GRK1: variants seen among roughly 807,000 people sequenced by gnomAD.
GRK1 encodes the protein G protein-coupled receptor kinase 1.
GRK1 carries 28 observed loss-of-function variants against 41.7 expected under a neutral mutation model. The observed-to-expected ratio is 0.67, with a 90% confidence interval of 0.50 to 0.92. The LOEUF (loss-of-function observed/expected upper bound fraction) is 0.92, where lower values mean the gene tolerates loss of function less well. Among genes scored for constraint, GRK1 ranks in the 40% least tolerant of loss-of-function variants. The pLI, the probability that GRK1 is intolerant of heterozygous loss-of-function variation, is 0.00. For missense variants in GRK1, 703 were observed against 671.2 expected, an observed-to-expected ratio of 1.05 and a Z score of -0.52; for synonymous variants, 327 against 286.7, an observed-to-expected ratio of 1.14 and a Z score of -1.42.
the GRK1 span, chr13:113,657,969 C>A: frequency 5.1e-6 from 7 of 1,362,022 alleles, no homozygotes; most frequent in East Asian, 1.5e-4. Flanking sequence ...CTGAGCTCAC[C>A]TGGAGGCTGC....
chr13:113,658,298 G>A, the GRK1 span: 3 of 683,318 alleles, frequency 4.4e-6, no homozygotes, highest in South Asian at 6.1e-5. Flanking sequence ...CCGTTTATCA[G>A]CGCCGGCCAT....
chr13:113,654,616 G>A, the GRK1 span, among the ~76,000 whole-genome samples: 1 of 152,262 alleles, frequency 6.6e-6, no homozygotes. Flanking sequence ...CCTTGGTGCT[G>A]CTCTTAAAGC....
chr13:113,653,173 A>C, the GRK1 span: 1 of 1,456,392 alleles, frequency 6.9e-7, no homozygotes, highest in Non-Finnish European at 9.3e-7. Flanking sequence ...TTTCTCATGA[A>C]ATAGAAAAGG....
chr13:113,651,831 C>T, the GRK1 span: 1 of 1,396,666 alleles, frequency 7.2e-7, no homozygotes, highest in South Asian at 1.4e-5. Flanking sequence ...CCAGCCTGGG[C>T]TTTCTGACCA....
At position 113,671,872 on chromosome 13, in the gene GRK1, G is replaced by A. The variant is rs2049860211; in HGVS notation, c.985+216G>A. ...CTGTGGTGCAGAACCAGCTGGGAAC[G>A]GCGAGTCTGTTACGCCCAGTCCCCA... is the stretch of plus-strand genomic sequence containing the variant. On this transcript the variant is annotated intron_variant, in intron 3 of 6. Transcript: ENST00000335678. This position sits in a 1 kb window ranked among gnomAD's most constrained non-coding sequence, Gnocchi z 4.1. 6.6e-6 allele frequency among the ~76,000 whole-genome samples: 1 copy of A among 152,102 alleles called. No individual in the cohort carries two copies. The highest frequency in any genetic ancestry group is 1.5e-5 in the Non-Finnish European group (1 of 68,002).
At chr13:113,648,204 G>A in the GRK1 span, among the ~76,000 whole-genome samples, 1 of 152,234 alleles carries the variant, frequency 6.6e-6, no homozygotes. Context: ...TTTTACTGAC[G>A]GAGTAAGCAC....
At position 113,737,258 on chromosome 13, in the gene GRK1, G is replaced by C. The variant is rs1001952308; in HGVS notation, c.*1895G>C. On this transcript the variant is annotated 3_prime_UTR_variant, in exon 7 of 7. Transcript: ENST00000335678. ...ACAGATCCTAAGTCGGCCACACCCTGGGTGAGGAGCACGTCTTCCCATAGG... is the reference window on the plus strand; with the variant it reads ...ACAGATCCTAAGTCGGCCACACCCTCGGTGAGGAGCACGTCTTCCCATAGG... 11 of 154,270 alleles carry C rather than the reference G, an allele frequency of 7.1e-5. No homozygotes were observed. The highest frequency in any genetic ancestry group is 1.6e-4 in the Non-Finnish European group (11 of 69,168). 9.6% of individuals were successfully genotyped at this position (154,270 alleles called of 1,614,324 possible).
At chr13:113,733,725 G>T (rs1199751528) in intron 6 of GRK1, among the ~76,000 whole-genome samples, 22 of 113,518 alleles carry the variant, frequency 1.9e-4, no homozygotes, top group Admixed American at 1.2e-3. Flanking sequence ...ACGTGTGTGT[G>T]CGCGCGTGTG....
the GRK1 span, chr13:113,653,209 C>A: frequency 7.2e-7 from 1 of 1,387,432 alleles, no homozygotes; most frequent in East Asian, 2.4e-5. Flanking sequence ...CGTTTCACAC[C>A]TCACCTGCTG....
At chr13:113,732,259 T>A (rs1425317113) in intron 5 of GRK1, among the ~76,000 whole-genome samples, 1 of 152,016 alleles carries the variant, frequency 6.6e-6, no homozygotes, top group Non-Finnish European at 1.5e-5. Context: ...CCCACCCCTC[T>A]CCCTTCTGAC....
At chr13:113,650,360 G>C in the GRK1 span, 1 of 1,549,514 alleles carries the variant, frequency 6.5e-7, no homozygotes. This position sits in a 1 kb window ranked among gnomAD's most constrained non-coding sequence, Gnocchi z 5.0. Context: ...AAGTGTGAGA[G>C]GACTCAGCAG....
At chr13:113,668,106 A>T (rs2049832313) in intron 1 of GRK1, 21 bp downstream of exon 1, 3 of 1,585,742 alleles carry the variant, frequency 1.9e-6, no homozygotes, top group Non-Finnish European at 2.6e-6. Context: ...CGACCCGGCC[A>T]GCAGGGATGG....
chr13:113,728,247 G>A (rs1252409664), intron 4 of GRK1, among the ~76,000 whole-genome samples: 3 of 98,240 alleles, frequency 3.1e-5, no homozygotes, highest in East Asian at 2.8e-4. Context: ...AGTACCCATG[G>A]CGATGAGGAG....
chr13:113,670,634 C>T (rs965489029), intron 2 of GRK1, among the ~76,000 whole-genome samples: 6 of 151,486 alleles, frequency 4.0e-5, no homozygotes, highest in African/African-American at 1.2e-4. Context: ...AGTCACCACG[C>T]GGAGGGGGCA....
chr13:113,655,159 C>T, the GRK1 span, among the ~76,000 whole-genome samples: 5 of 152,322 alleles, frequency 3.3e-5, no homozygotes, highest in East Asian at 1.9e-4. Flanking sequence ...TGGGTTTGCC[C>T]GTCTGGACGT....
the GRK1 span, chr13:113,658,179 G>A: frequency 6.3e-7 from 1 of 1,582,522 alleles, no homozygotes; most frequent in Non-Finnish European, 8.6e-7. Flanking sequence ...TCTGCTCCCT[G>A]CACCCTCTAC....
upstream of GRK1, among the ~76,000 whole-genome samples, chr13:113,662,621 G>A (rs2049796695): frequency 1.3e-5 from 2 of 152,156 alleles, no homozygotes; most frequent in Non-Finnish European, 2.9e-5. Context: ...TGAGATGAAG[G>A]TGCAAAAATC....
At chr13:113,663,886 G>A (rs767883099), upstream of GRK1, among the ~76,000 whole-genome samples, 5 of 152,156 alleles carry the variant, frequency 3.3e-5, no homozygotes, top group Non-Finnish European at 7.3e-5. Context: ...ACAGCTTGCC[G>A]GTTTCTTCAA....
At chr13:113,670,892 G>T (rs1164431251) in intron 2 of GRK1, among the ~76,000 whole-genome samples, 1 of 152,180 alleles carries the variant, frequency 6.6e-6, no homozygotes, top group Admixed American at 6.5e-5. Flanking sequence ...GCGGTCACAG[G>T]GGTGCCCAGG....
Sources: allele counts gnomAD v4.1 joint callset (sites outside exome capture counted in the v4.1 genomes callset), GRCh38; gene constraint gnomAD v4.1.1; non-coding constraint Gnocchi (gnomAD v3.1); transcripts MANE v1.5; gene names NCBI Gene and HGNC (gene_info 2026-07-23, HGNC 2026-07-21).